Variants in RBMS3 observed in about 807,000 individuals in gnomAD.
RBMS3 encodes the protein RNA-binding motif, single-stranded-interacting protein 3.
In RBMS3, 27 loss-of-function variants were observed where a neutral mutation model predicts 66.8. That is an observed-to-expected ratio of 0.40 (90% CI 0.30 to 0.56). RBMS3 has a LOEUF of 0.56. Ranked by LOEUF, RBMS3 falls within the 20% of genes least tolerant of loss-of-function variation. The pLI is 0.40. For synonymous variants in RBMS3, 188 were observed against 183.0 expected, an observed-to-expected ratio of 1.03 and a Z score of -0.22; for missense variants, 513 against 549.5, an observed-to-expected ratio of 0.93 and a Z score of 0.66.
intron 4 of RBMS3, among the ~76,000 whole-genome samples, chr3:29,630,224 T>G (rs1418014019): frequency 2.6e-5 from 4 of 152,018 alleles, no homozygotes; most frequent in Non-Finnish European, 1.5e-5. Flanking sequence ...AGGACTTTCA[T>G]TGAATGCCAA....
chr3:29,498,620 T>C (rs2043852275), intron 3 of RBMS3, among the ~76,000 whole-genome samples: 2 of 152,212 alleles, frequency 1.3e-5, no homozygotes, highest in Admixed American at 1.3e-4. Context: ...TTAGTTTCCT[T>C]GGACAAGGCA....
In RBMS3 at chr3:29,969,103, T is replaced by C. The variant is rs796989172; in HGVS notation, c.1099-19040T>C. ...GGCAAATTGGATTTGGATAAACATT[T>C]TAAATGGATAGTCAAATATCAATGT... On this transcript the variant is annotated intron_variant, in intron 12 of 14. Transcript: ENST00000383767. Among the ~76,000 whole-genome samples, 4 of 152,308 alleles carry C rather than the reference T, an allele frequency of 2.6e-5. 1 individual carries two copies. The highest frequency in any genetic ancestry group is 9.6e-5 in the African/African-American group (4 of 41,560).
intron 3 of RBMS3, among the ~76,000 whole-genome samples, chr3:29,496,611 T>C (rs1283581522): frequency 6.6e-6 from 1 of 152,222 alleles, no homozygotes; most frequent in Non-Finnish European, 1.5e-5. Context: ...TTATTTGTTG[T>C]CTACAACCCA....
chr3:29,565,712 T>C (rs2046718455), intron 3 of RBMS3, among the ~76,000 whole-genome samples: 1 of 152,178 alleles, frequency 6.6e-6, no homozygotes, highest in African/African-American at 2.4e-5. Flanking sequence ...AAACACTAGA[T>C]ATCCTTGTTT....
chr3:29,339,455 T>C (rs1459779024), intron 1 of RBMS3, among the ~76,000 whole-genome samples: 1 of 152,152 alleles, frequency 6.6e-6, no homozygotes, highest in African/African-American at 2.4e-5. Context: ...TGTCCAAAAA[T>C]AGTCGGACAG....
intron 1 of RBMS3, among the ~76,000 whole-genome samples, chr3:29,322,871 G>A (rs2035090187): frequency 6.6e-6 from 1 of 152,084 alleles, no homozygotes; most frequent in African/African-American, 2.4e-5. Context: ...TGGAGAATTC[G>A]AAGGGCTGCT....
At chr3:29,922,200 A>C (rs945824013) in intron 10 of RBMS3, among the ~76,000 whole-genome samples, 8 of 152,232 alleles carry the variant, frequency 5.3e-5, no homozygotes, top group Non-Finnish European at 1.2e-4. Context: ...AGCAAGATAT[A>C]ACAGAGGCCG....
intron 12 of RBMS3, among the ~76,000 whole-genome samples, chr3:29,967,749 T>C (rs1245023662): frequency 6.6e-6 from 1 of 152,234 alleles, no homozygotes; most frequent in East Asian, 1.9e-4. Context: ...TTCTAGTTTA[T>C]GTGTGTAAAT....
intron 2 of RBMS3, among the ~76,000 whole-genome samples, chr3:29,486,696 G>A (rs1007011730): frequency 9.9e-5 from 15 of 152,128 alleles, no homozygotes; most frequent in African/African-American, 3.1e-4. Context: ...TATTGATACA[G>A]TAGGACAATA....
intron 3 of RBMS3, among the ~76,000 whole-genome samples, chr3:29,554,876 G>A (rs1437676279): frequency 1.3e-5 from 2 of 152,076 alleles, no homozygotes; most frequent in East Asian, 3.9e-4. Flanking sequence ...TCCTCTGTAA[G>A]CAAAAATATA....
At chr3:29,395,883 T>A (rs533967393) in intron 1 of RBMS3, among the ~76,000 whole-genome samples, 1 of 152,270 alleles carries the variant, frequency 6.6e-6, no homozygotes, top group African/African-American at 2.4e-5. Flanking sequence ...AGGGTAAATA[T>A]GGATGGAGGC....
chr3:29,444,599 T>C (rs935819583), intron 2 of RBMS3, among the ~76,000 whole-genome samples: 1 of 151,852 alleles, frequency 6.6e-6, no homozygotes, highest in Non-Finnish European at 1.5e-5. Flanking sequence ...AACAGAATGA[T>C]GAAATGTGTT....
intron 1 of RBMS3, among the ~76,000 whole-genome samples, chr3:29,308,746 CAAAA>C (rs746069017): frequency 1.1e-4 from 2 of 18,808 alleles, no homozygotes; most frequent in Admixed American, 1.1e-3. Flanking sequence ...TAAAAAAAAA[CAAAA>C]AAAAACAAAA....
At chr3:29,999,307 T>C (rs1268411759) in intron 14 of RBMS3, among the ~76,000 whole-genome samples, 3 of 152,228 alleles carry the variant, frequency 2.0e-5, no homozygotes, top group Non-Finnish European at 2.9e-5. Context: ...ACTTTGACAC[T>C]GTTGGTGGGA....
intron 4 of RBMS3, among the ~76,000 whole-genome samples, chr3:29,711,845 TAATA>T (rs2053183953): frequency 1.3e-5 from 2 of 152,186 alleles, no homozygotes; most frequent in Middle Eastern, 3.4e-3. Flanking sequence ...AAAAGGAAAA[TAATA>T]AAGCAAACCA....
rs1029091621 is a variant in RBMS3 at position 30,009,930 on chromosome 3, A to G, written c.*6068A>G. 9 of 151,124 alleles carry G rather than the reference A, an allele frequency of 6.0e-5. No homozygotes were observed. Among genetic ancestry groups the G allele is most frequent in the African/African-American group, 2.2e-4 (9 of 40,914 alleles). 9.4% of individuals were successfully genotyped at this position (151,124 alleles called of 1,614,324 possible). A position where few individuals can be genotyped will look rare whatever the true frequency, so the allele number is the denominator to read the frequency against. On this transcript the variant is annotated 3_prime_UTR_variant, in exon 15 of 15. Transcript: ENST00000383767. ...TCCATGCTTTTCAGGAACTGTAAAAATTATTTCAAAAAGATATTTGAAAAA... is the reference window on the plus strand; with the variant it reads ...TCCATGCTTTTCAGGAACTGTAAAAGTTATTTCAAAAAGATATTTGAAAAA...
chr3:29,456,686 T>C (rs180917216), intron 2 of RBMS3, among the ~76,000 whole-genome samples: 1 of 152,150 alleles, frequency 6.6e-6, no homozygotes, highest in Admixed American at 6.6e-5. Context: ...TAAGATATTA[T>C]TCAAAAATAT....
chr3:29,320,351 C>T (rs775476280), intron 1 of RBMS3, among the ~76,000 whole-genome samples: 1 of 151,896 alleles, frequency 6.6e-6, no homozygotes, highest in African/African-American at 2.4e-5. Context: ...TTTAAATGCT[C>T]TAAAGGAATT....
chr3:29,984,571 T>C (rs575097468), intron 12 of RBMS3, among the ~76,000 whole-genome samples: 1 of 152,266 alleles, frequency 6.6e-6, no homozygotes, highest in South Asian at 2.1e-4. Context: ...TAGTCTTTGA[T>C]GCTGGTGACC....
Sources: allele counts gnomAD v4.1 joint callset (sites outside exome capture counted in the v4.1 genomes callset), GRCh38; gene constraint gnomAD v4.1.1; transcripts MANE v1.5; gene names NCBI Gene and HGNC (gene_info 2026-07-23, HGNC 2026-07-21).